TNRC18: variants seen among roughly 807,000 people sequenced by gnomAD.
TNRC18 encodes the protein trinucleotide repeat-containing gene 18 protein.
A neutral mutation model predicts 226.7 loss-of-function variants in TNRC18; 69 were observed. The observed-to-expected ratio is 0.30, with a 90% CI of 0.25 to 0.37. The LOEUF (loss-of-function observed/expected upper bound fraction) is 0.37, where lower values mean the gene tolerates loss of function less well. Ranked by LOEUF, TNRC18 falls within the 10% of genes least tolerant of loss-of-function variation. The pLI is 1.00. For synonymous variants in TNRC18, 2,449 were observed against 1,927.6 expected, an observed-to-expected ratio of 1.27 and a Z score of -7.09; for missense variants, 4,754 against 4,256.6, an observed-to-expected ratio of 1.12 and a Z score of -3.25.
chr7:5,388,268 G>A lies in TNRC18; in HGVS notation c.1556C>T (p.Ala519Val), dbSNP rs762062329. Residue 519 changes from alanine (A) to valine (V), a missense_variant, in exon 5 of 30, where the codon GCC becomes GTC. Ala to Val is a moderately conservative substitution (Grantham distance 64, BLOSUM62 0). Coordinates refer to ENST00000430969, the MANE Select transcript of TNRC18 (RefSeq NM_001080495.3). ...GGCCAGCACGGCCATCTGCGTGGCG[G>A]CGAAGTTGCCCAGCTCGAAGGGTTT... ...KWKPFELGNF[A>V]ATQMAVLAAQ... 14 of 1,609,064 alleles carry A rather than the reference G, an allele frequency of 8.7e-6. No homozygotes were observed. Among genetic ancestry groups the A allele is most frequent in the Non-Finnish European group, 1.2e-5 (14 of 1,178,416 alleles).
chr7:5,391,770 GA>G (rs1400329780), intron 3 of TNRC18, among the ~76,000 whole-genome samples: 1 of 150,520 alleles, frequency 6.6e-6, no homozygotes, highest in Admixed American at 6.6e-5. Flanking sequence ...GCCGATGGGG[GA>G]GGATTGCTTG....
chr7:5,376,801 G>A lies in TNRC18; in HGVS notation c.2608+46C>T, dbSNP rs1249897061. On this transcript the variant is annotated intron_variant, in intron 8 of 29. Transcript: ENST00000430969. ...TTGGCATCAGAGACCATCTCGCTGGGCATGGCCAGTCTGGCCCATGGTGGC... is the reference window on the plus strand; with the variant it reads ...TTGGCATCAGAGACCATCTCGCTGGACATGGCCAGTCTGGCCCATGGTGGC... The A allele has an allele frequency of 5.0e-6, 8 of 1,590,320 alleles. No individual in the cohort carries two copies. The Admixed American group carries it at 7.1e-5, about 14-fold the overall frequency.
chr7:5,379,487 G>A (rs1193836116), intron 5 of TNRC18, among the ~76,000 whole-genome samples: 1 of 152,080 alleles, frequency 6.6e-6, no homozygotes, highest in Non-Finnish European at 1.5e-5. Context: ...CCCTGAGTGG[G>A]AGATGCTACC....
At chr7:5,341,287 C>T (rs1413010488) in intron 18 of TNRC18, among the ~76,000 whole-genome samples, 2 of 151,340 alleles carry the variant, frequency 1.3e-5, no homozygotes, top group Non-Finnish European at 2.9e-5. Context: ...GGCATGGTGG[C>T]GGGCACCTGT....
intron 11 of TNRC18, among the ~76,000 whole-genome samples, 182 bp downstream of exon 11, chr7:5,370,193 G>A (rs983772926): frequency 2.6e-5 from 4 of 152,022 alleles, no homozygotes; most frequent in African/African-American, 9.7e-5. Flanking sequence ...CATGGTGGTG[G>A]ACGCCTGTAG....
rs369525031 is a variant in TNRC18, at chr7:5,377,487, C to T, written c.2345G>A (p.Gly782Asp). 8 of 1,581,710 alleles carry T rather than the reference C, an allele frequency of 5.1e-6. No homozygotes were observed. Among genetic ancestry groups the T allele is most frequent in the East Asian group, 4.6e-5 (2 of 43,094 alleles). ...GCGACCTGAGCCCGCCAGCGCCGGGCCCCCCGTCACCATGAGGTTGGGGTT... is the reference window on the plus strand; with the variant it reads ...GCGACCTGAGCCCGCCAGCGCCGGGTCCCCCGTCACCATGAGGTTGGGGTT... ...GLNPNLMVTG[G>D]PALAGSGRWS... Residue 782 changes from glycine (G) to aspartate (D), a missense_variant, in exon 7 of 30, where the codon GGC becomes GAC. Transcript: ENST00000430969. The surrounding 1 kb of genome is among the most constrained non-coding windows in gnomAD (Gnocchi z 5.8).
intron 27 of TNRC18, among the ~76,000 whole-genome samples, chr7:5,311,749 T>C (rs887225986): frequency 2.6e-5 from 4 of 151,156 alleles, no homozygotes; most frequent in Non-Finnish European, 4.4e-5. Flanking sequence ...GCCCAGAAGT[T>C]CAAAGCTGCA....
At chr7:5,347,616 G>A (rs1791341274) in intron 17 of TNRC18, among the ~76,000 whole-genome samples, 1 of 152,170 alleles carries the variant, frequency 6.6e-6, no homozygotes. Context: ...AGTGAGTTAT[G>A]GTGGCACCAC....
rs138900164 is a variant in TNRC18, at chr7:5,307,704, T to C, written c.*402A>G. 2,964 of 334,496 alleles carry C rather than the reference T, an allele frequency of 8.9e-3. 66 individuals carry two copies. Among genetic ancestry groups the C allele is most frequent in the African/African-American group, 0.059 (2,746 of 46,312 alleles). The allele number at this position is 334,496 out of a possible 1,614,324, so 20.7% of individuals were successfully genotyped here. A position where few individuals can be genotyped will look rare whatever the true frequency, so the allele number is the denominator to read the frequency against. ...GGGAAGCCCAGAGTGAGCGTCAGTT[T>C]GGTTCCTTAGAAGCGCCCCTCCCCA... On this transcript the variant is annotated 3_prime_UTR_variant, in exon 30 of 30. Coordinates refer to ENST00000430969, the MANE Select transcript of TNRC18 (RefSeq NM_001080495.3).
Position 5,325,229 on chromosome 7 carries a change from G to A in TNRC18, c.6167C>T (p.Ala2056Val). 1 of 1,553,774 alleles carries A rather than the reference G, an allele frequency of 6.4e-7. No individual in the cohort carries two copies. The highest frequency in any genetic ancestry group is 8.7e-7 in the Non-Finnish European group (1 of 1,153,376). The change falls in exon 20 of 30, where the codon GCT (alanine) becomes GTT (valine). Residue 2056 changes from alanine (A) to valine (V), a missense_variant. Physicochemically the swap from Ala to Val is moderately conservative, Grantham distance 64. Transcript: ENST00000430969. ...DPRKKKKGKEAGPGAGLPPPR... is the reference protein window; with the variant it reads ...DPRKKKKGKEVGPGAGLPPPR... ...CGGCGGCAGCCCAGCTCCTGGCCCA[G>A]CCTCTTTCCCTTTCTTCTTCTGGAG...
chr7:5,344,962 G>A (rs927674816), intron 18 of TNRC18, among the ~76,000 whole-genome samples: 1 of 152,138 alleles, frequency 6.6e-6, no homozygotes, highest in African/African-American at 2.4e-5. Flanking sequence ...CTGCTGCCTT[G>A]GTTTACCTAT....
chr7:5,388,607 C>T lies in TNRC18; in HGVS notation c.1217G>A (p.Arg406Lys). The T allele has an allele frequency of 7.7e-7, 1 of 1,294,328 alleles. No individual in the cohort carries two copies. The highest frequency in any genetic ancestry group is 9.8e-7 in the Non-Finnish European group (1 of 1,021,008). The allele number at this position is 1,294,328 out of a possible 1,614,324, so 80.2% of individuals were successfully genotyped here. Residue 406 changes from arginine to lysine, a missense_variant, in exon 5 of 30, where the codon AGG becomes AAG. Transcript: ENST00000430969. ...GGGGGGCGCCTGCAGGACCCCTGGC[C>T]TGCCAGCCTCGCGCTCGCGGGCCCG... ...DARAREREAG[R>K]PGVLQAPPGS...
intron 11 of TNRC18, 144 bp downstream of exon 11, chr7:5,370,231 G>A: frequency 1.0e-6 from 1 of 976,342 alleles, no homozygotes; most frequent in Non-Finnish European, 1.5e-6. Context: ...GCTGGGGAGG[G>A]AAGATCACTT....
At chr7:5,390,089 C>G (rs1012576216) in intron 4 of TNRC18, 1 of 341,848 alleles carries the variant, frequency 2.9e-6, no homozygotes, top group Non-Finnish European at 5.2e-6. Flanking sequence ...CATCTTAGGC[C>G]ACAATGGCTC....
intron 21 of TNRC18, among the ~76,000 whole-genome samples, chr7:5,321,947 C>T (rs1030462070): frequency 2.0e-5 from 3 of 151,672 alleles, no homozygotes; most frequent in Non-Finnish European, 4.4e-5. Context: ...CTGGGATTAC[C>T]GGTGTGAGCC....
chr7:5,400,795 A>T (rs1781032184), intron 2 of TNRC18, among the ~76,000 whole-genome samples: 1 of 152,026 alleles, frequency 6.6e-6, no homozygotes, highest in Admixed American at 6.6e-5. Context: ...TCTCAGCACT[A>T]CCAGAGGTCA....
intron 19 of TNRC18, 179 bp from the exon 20 acceptor site, chr7:5,325,427 T>TG (rs1788807510): frequency 3.0e-6 from 2 of 655,844 alleles, no homozygotes; most frequent in Non-Finnish European, 4.8e-6. Context: ...GGTTTTTTTT[T>TG]GTTTTTTTTT....
At position 5,357,175 on chromosome 7, in the gene TNRC18, G is replaced by A. The variant is rs372009621; in HGVS notation, c.4935C>T (p.Pro1645=). Residue 1645 remains proline (P), a synonymous_variant, in exon 16 of 30, where the codon CCC becomes CCT. Transcript: ENST00000430969. ...CCCCAGCACTGTCCGAAAACTTGAA[G>A]GGCGACTTCAACTTGTCCTGCTTGG... ...SLTKQDKLKS[P]FKFSDSAGGK... 5.2e-5 allele frequency: 83 copies of A among 1,604,732 alleles called. No homozygotes were observed. The African/African-American group carries it at 8.9e-4, about 17-fold the overall frequency.
chr7:5,329,375 C>T (rs1789271215), intron 19 of TNRC18, among the ~76,000 whole-genome samples: 1 of 151,302 alleles, frequency 6.6e-6, no homozygotes, highest in Non-Finnish European at 1.5e-5. Flanking sequence ...ATAACACAGA[C>T]TGAACTAAGT....
Sources: gnomAD v4.1 joint callset for allele counts (sites outside exome capture counted in the v4.1 genomes callset) on GRCh38, gnomAD v4.1.1 for gene constraint, Gnocchi (gnomAD v3.1) non-coding constraint, MANE v1.5 for transcripts, NCBI Gene and HGNC (gene_info 2026-07-23, HGNC 2026-07-21) for gene names.